Variants in SPNS3 observed in about 807,000 individuals in gnomAD.
SPNS3 encodes SPNS lysolipid transporter 3, sphingosine-1-phosphate (putative), also known as protein spinster homolog 3.
Under a neutral mutation model 54.4 loss-of-function variants are expected in SPNS3, and 51 were observed. The ratio of observed to expected loss-of-function variants is 0.94; its 90% CI spans 0.75 to 1.18. The LOEUF is 1.18. Ranked by LOEUF, SPNS3 falls within the 50% of genes most tolerant of loss-of-function variation. SPNS3 has a pLI of 0.00. For missense variants in SPNS3, 669 were observed against 677.4 expected, an observed-to-expected ratio of 0.99 and a Z score of 0.14; for synonymous variants, 309 against 294.7, an observed-to-expected ratio of 1.05 and a Z score of -0.50.
At chr17:4,435,451 A>G (rs905173296) in intron 1 of SPNS3, among the ~76,000 whole-genome samples, 7 of 147,894 alleles carry the variant, frequency 4.7e-5, no homozygotes, top group Admixed American at 3.3e-4. Context: ...AAAAAAAAAA[A>G]AATAAAAAAT....
At chr17:4,479,487 T>A (rs548431801) in intron 9 of SPNS3, among the ~76,000 whole-genome samples, 1 of 152,348 alleles carries the variant, frequency 6.6e-6, no homozygotes, top group Admixed American at 6.5e-5. Flanking sequence ...CTGAGCCCCA[T>A]GCTCTTCGTC....
rs1970985496 is a variant in SPNS3, at chr17:4,446,256, C to G, written c.554+57C>G. 5.1e-6 allele frequency: 8 copies of G among 1,556,528 alleles called. No homozygotes were observed. In the South Asian group the frequency reaches 6.0e-5, roughly 12 times the overall value. Reference sequence around the variant, plus strand: ...GTGGTAAACTGAGGCCCAAAGGAGTCAGAACAGGGGCTGGACCTGGGTAGG... The same window carrying G: ...GTGGTAAACTGAGGCCCAAAGGAGTGAGAACAGGGGCTGGACCTGGGTAGG... On this transcript the variant is annotated intron_variant, in intron 4 of 11. Coordinates refer to ENST00000355530, the MANE Select transcript of SPNS3 (RefSeq NM_182538.5).
At chr17:4,484,984 A>G (rs1972271515) in intron 9 of SPNS3, 1 of 152,156 alleles carries the variant, frequency 6.6e-6, no homozygotes, top group Admixed American at 6.6e-5. Flanking sequence ...TCTGGGAGAC[A>G]TGCGTTAATT....
chr17:4,444,392 T>G lies in SPNS3; in HGVS notation c.266-640T>G, dbSNP rs1970928145. On this transcript the variant is annotated intron_variant, in intron 2 of 11. Transcript: ENST00000355530. ...ATCACACCTGGCTAATTTTTTTGTA[T>G]TTTTTTTTTTAGTAGAGATGGGGTT... Among the ~76,000 whole-genome samples the G allele has an allele frequency of 4.1e-5, 6 of 145,056 alleles. No homozygotes were observed. The South Asian group carries it at 6.6e-4, about 16-fold the overall frequency.
rs772843201 is a variant in SPNS3, at chr17:4,433,956, C to T, written c.-12C>T. 3 of 1,514,736 alleles carry T rather than the reference C, an allele frequency of 2.0e-6. No homozygotes were observed. Among genetic ancestry groups the T allele is most frequent in the East Asian group, 4.9e-5 (2 of 41,158 alleles). 93.8% of individuals were successfully genotyped at this position (1,514,736 alleles called of 1,614,324 possible). ...CCTGGCGCCAGTCTCAGGCCAAGAG[C>T]TGCAGGCTGGCATGGCTGGGGGGAT... On this transcript the variant is annotated 5_prime_UTR_variant, in exon 1 of 12. Coordinates refer to ENST00000355530, the MANE Select transcript of SPNS3 (RefSeq NM_182538.5).
At chr17:4,470,387 C>T (rs1971823797) in intron 8 of SPNS3, among the ~76,000 whole-genome samples, 1 of 152,122 alleles carries the variant, frequency 6.6e-6, no homozygotes, top group Non-Finnish European at 1.5e-5. Flanking sequence ...GAGATCACGC[C>T]ACTGCACTCC....
intron 5 of SPNS3, among the ~76,000 whole-genome samples, 175 bp from the exon 6 acceptor site, chr17:4,447,980 G>C (rs1204600922): frequency 6.6e-6 from 1 of 152,206 alleles, no homozygotes; most frequent in African/African-American, 2.4e-5. Flanking sequence ...CTGAGAAACA[G>C]TGGTACATCC....
chr17:4,473,958 G>T (rs539099978), intron 8 of SPNS3, among the ~76,000 whole-genome samples: 1 of 152,204 alleles, frequency 6.6e-6, no homozygotes, highest in Admixed American at 6.5e-5. Flanking sequence ...CCCTTAGAGA[G>T]CCTCTTGGAT....
At chr17:4,448,897 G>T (rs1264144277) in intron 6 of SPNS3, among the ~76,000 whole-genome samples, 1 of 152,140 alleles carries the variant, frequency 6.6e-6, no homozygotes, top group Non-Finnish European at 1.5e-5. Flanking sequence ...GCTGGATGGG[G>T]GCCTCCCAGG....
chr17:4,454,473 A>G (rs535128977), intron 8 of SPNS3, among the ~76,000 whole-genome samples: 1 of 152,332 alleles, frequency 6.6e-6, no homozygotes, highest in Non-Finnish European at 1.5e-5. Flanking sequence ...ACCAGCCACA[A>G]CTTTATTGTC....
chr17:4,446,438 C>T (rs1008713094), intron 4 of SPNS3, among the ~76,000 whole-genome samples: 3 of 152,102 alleles, frequency 2.0e-5, no homozygotes, highest in African/African-American at 4.8e-5. Flanking sequence ...GAGGATGTGC[C>T]GTATAGATTC....
At chr17:4,460,429 A>ATTTT (rs34851131) in intron 8 of SPNS3, among the ~76,000 whole-genome samples, 8 of 98,920 alleles carry the variant, frequency 8.1e-5, no homozygotes, top group African/African-American at 3.0e-4. Flanking sequence ...GTATTGCTGG[A>ATTTT]TTTTTTTTTT....
chr17:4,480,853 C>A (rs981182940), intron 9 of SPNS3, among the ~76,000 whole-genome samples: 2 of 152,088 alleles, frequency 1.3e-5, no homozygotes, highest in African/African-American at 4.8e-5. Flanking sequence ...CCTCCCGCCC[C>A]CTTCCCTGCC....
At chr17:4,451,415 C>T (rs1460903682) in intron 7 of SPNS3, among the ~76,000 whole-genome samples, 2 of 151,832 alleles carry the variant, frequency 1.3e-5, no homozygotes, top group Admixed American at 1.3e-4. Context: ...CCACGCCCAG[C>T]TAATTTTTGT....
intron 2 of SPNS3, among the ~76,000 whole-genome samples, chr17:4,444,335 C>T (rs1385273963): frequency 6.6e-6 from 1 of 151,904 alleles, no homozygotes; most frequent in Non-Finnish European, 1.5e-5. Flanking sequence ...GTGCCTCATC[C>T]TCTCGAGTAG....
chr17:4,481,596 A>C (rs1009744298), intron 9 of SPNS3, among the ~76,000 whole-genome samples: 6 of 152,190 alleles, frequency 3.9e-5, no homozygotes, highest in African/African-American at 1.4e-4. Flanking sequence ...GGGTTAGGTC[A>C]GAGGGCAGAG....
At chr17:4,465,353 C>A (rs1249667619) in intron 8 of SPNS3, among the ~76,000 whole-genome samples, 1 of 152,108 alleles carries the variant, frequency 6.6e-6, no homozygotes, top group Non-Finnish European at 1.5e-5. Context: ...TGAAAGTTAC[C>A]ATGAATGTAA....
Position 4,446,140 on chromosome 17 carries a change from C to T in SPNS3, c.495C>T (p.Phe165=), listed in dbSNP as rs781205709. Residue 165 remains phenylalanine, a synonymous_variant, in exon 4 of 12, where the codon TTC becomes TTT. Coordinates refer to ENST00000355530, the MANE Select transcript of SPNS3 (RefSeq NM_182538.5). ...TIAPTVLGDL[F]VRDQRTRVLA... ...CGCCCACCGTCCTGGGCGACCTCTT[C>T]GTGAGGGACCAGCGCACCCGCGTGC... is the stretch of plus-strand genomic sequence containing the variant. 5.0e-6 allele frequency: 8 copies of T among 1,613,638 alleles called. No individual in the cohort carries two copies. The highest frequency in any genetic ancestry group is 2.7e-5 in the African/African-American group (2 of 74,922).
chr17:4,476,802 G>A lies in SPNS3; in HGVS notation c.1114-1770G>A, dbSNP rs116653039. Among the ~76,000 whole-genome samples the A allele has an allele frequency of 7.0e-3, 1,059 of 152,322 alleles. 10 individuals are homozygous for A. The highest frequency in any genetic ancestry group is 0.024 in the African/African-American group (1,007 of 41,558). ...GGGACCAGGCACTGCAGTCCCAGGG[G>A]CTGGGTTAGGCCAGGAGAGCGCATG... On this transcript the variant is annotated intron_variant, in intron 8 of 11. Transcript: ENST00000355530.
Sources: gnomAD v4.1 joint callset for allele counts (sites outside exome capture counted in the v4.1 genomes callset) on GRCh38, gnomAD v4.1.1 for gene constraint, MANE v1.5 for transcripts, NCBI Gene and HGNC (gene_info 2026-07-23, HGNC 2026-07-21) for gene names.